Variants in EYS observed in about 807,000 individuals in gnomAD.
EYS encodes protein eyes shut homolog.
A neutral mutation model predicts 282.1 loss-of-function variants in EYS; 250 were observed. That is an observed-to-expected ratio of 0.89 (90% CI 0.80 to 0.98). EYS has a LOEUF of 0.98. EYS is among the 50% of genes least tolerant of loss of function. EYS has a pLI of 0.00. For missense variants in EYS, 4,016 were observed against 3,709.0 expected, an observed-to-expected ratio of 1.08 and a Z score of -2.15; for synonymous variants, 1,355 against 1,282.9, an observed-to-expected ratio of 1.06 and a Z score of -1.20.
At chr6:63,957,033 C>T (rs1029189199) in intron 35 of EYS, among the ~76,000 whole-genome samples, 1 of 152,144 alleles carries the variant, frequency 6.6e-6, no homozygotes, top group Non-Finnish European at 1.5e-5. Context: ...GATAAATTTG[C>T]TCTTCCTTTT....
At chr6:65,692,110 A>C (rs1769264767) in intron 1 of EYS, among the ~76,000 whole-genome samples, 1 of 150,396 alleles carries the variant, frequency 6.6e-6, no homozygotes, top group Non-Finnish European at 1.5e-5. Flanking sequence ...AAAAGAATAA[A>C]ATTATGTCTT....
Position 64,591,523 on chromosome 6 carries a change from G to A in EYS, c.4344C>T (p.Phe1448=). ...CACTTATGGAGGCAGCTATAAGCAG[G>A]AATCCACGGGAGAGTAATGACTGCC... ...LNRQSLLSRG[F]LLIAASISAT... The change falls in exon 26 of 43, where the codon TTC becomes TTT. Residue 1448 remains phenylalanine (F), a synonymous_variant. Coordinates refer to ENST00000503581, the MANE Select transcript of EYS (RefSeq NM_001142800.2). The A allele has an allele frequency of 6.4e-7, 1 of 1,551,280 alleles. No homozygotes were observed. Among genetic ancestry groups the A allele is most frequent in the South Asian group, 1.2e-5 (1 of 84,054 alleles).
chr6:63,840,090 C>T (rs1323091123), intron 36 of EYS, among the ~76,000 whole-genome samples: 2 of 149,410 alleles, frequency 1.3e-5, no homozygotes. Flanking sequence ...CTTTGTTGCC[C>T]AGGATGGAGT....
At chr6:64,029,845 C>T (rs1032024150) in intron 33 of EYS, among the ~76,000 whole-genome samples, 46 of 152,338 alleles carry the variant, frequency 3.0e-4, no homozygotes, top group African/African-American at 9.9e-4. Context: ...AATGTGTATA[C>T]AGATAGCAAG....
At chr6:64,117,009 A>T (rs1773407442) in intron 31 of EYS, among the ~76,000 whole-genome samples, 1 of 152,122 alleles carries the variant, frequency 6.6e-6, no homozygotes, top group Admixed American at 6.5e-5. Flanking sequence ...TGGATAGGTT[A>T]TCCCAACAGA....
chr6:64,926,961 G>C (rs1768538140), intron 15 of EYS, among the ~76,000 whole-genome samples: 1 of 152,138 alleles, frequency 6.6e-6, no homozygotes, highest in South Asian at 2.1e-4. Context: ...AGAAAGCAGA[G>C]TTATATTTTC....
intron 14 of EYS, among the ~76,000 whole-genome samples, chr6:64,960,883 C>T (rs1769889560): frequency 6.6e-6 from 1 of 152,112 alleles, no homozygotes; most frequent in Non-Finnish European, 1.5e-5. Context: ...ATTTAGCTCC[C>T]ATTGACACAT....
chr6:64,516,766 T>A (rs2150522875), intron 26 of EYS, among the ~76,000 whole-genome samples: 1 of 151,962 alleles, frequency 6.6e-6, no homozygotes, highest in East Asian at 1.9e-4. Context: ...TAATAAAATT[T>A]GTTTTTTTCT....
At chr6:65,095,224 G>T (rs926902017) in intron 12 of EYS, among the ~76,000 whole-genome samples, 1 of 151,216 alleles carries the variant, frequency 6.6e-6, no homozygotes, top group Non-Finnish European at 1.5e-5. Flanking sequence ...ACCTGCAGAA[G>T]TAAACAGTAA....
intron 22 of EYS, among the ~76,000 whole-genome samples, chr6:64,696,270 C>G (rs1770575698): frequency 6.6e-6 from 1 of 151,998 alleles, no homozygotes; most frequent in Non-Finnish European, 1.5e-5. Context: ...GAAAGAATCT[C>G]AGAATGTGAA....
chr6:64,136,282 A>G (rs1417071447), intron 31 of EYS, among the ~76,000 whole-genome samples: 3 of 152,108 alleles, frequency 2.0e-5, no homozygotes, highest in Admixed American at 6.6e-5. Context: ...TATTTCCACC[A>G]CAGCAGAAGT....
At chr6:63,851,120 C>T (rs923381898) in intron 36 of EYS, among the ~76,000 whole-genome samples, 3 of 152,152 alleles carry the variant, frequency 2.0e-5, no homozygotes, top group African/African-American at 7.2e-5. Flanking sequence ...ACAAGAAGAG[C>T]TAACTATTCT....
chr6:63,848,328 G>T (rs1772152938), intron 36 of EYS, among the ~76,000 whole-genome samples: 1 of 152,004 alleles, frequency 6.6e-6, no homozygotes, highest in African/African-American at 2.4e-5. Context: ...TTGTATTGGG[G>T]TCTGTGGATA....
At chr6:64,621,731 A>G (rs1178965963) in intron 23 of EYS, among the ~76,000 whole-genome samples, 2 of 152,210 alleles carry the variant, frequency 1.3e-5, no homozygotes, top group African/African-American at 2.4e-5. Flanking sequence ...ATACTACTTT[A>G]AGGGCAAAAC....
At chr6:64,635,215 G>A (rs537148855) in intron 22 of EYS, among the ~76,000 whole-genome samples, 1 of 152,306 alleles carries the variant, frequency 6.6e-6, no homozygotes, top group African/African-American at 2.4e-5. Context: ...AGCTTGAGGA[G>A]ATTTTGGGCT....
At chr6:64,607,644 G>C (rs1766978084) in intron 24 of EYS, among the ~76,000 whole-genome samples, 1 of 152,036 alleles carries the variant, frequency 6.6e-6, no homozygotes, top group South Asian at 2.1e-4. Flanking sequence ...TTGGGTGAGG[G>C]AGATACAAAC....
chr6:65,394,491 T>G (rs1368599867), intron 7 of EYS, among the ~76,000 whole-genome samples: 1 of 152,066 alleles, frequency 6.6e-6, no homozygotes, highest in Non-Finnish European at 1.5e-5. Flanking sequence ...CTGCCACCTG[T>G]GTAAGTGAAG....
chr6:65,251,702 T>A (rs909848995), intron 12 of EYS, among the ~76,000 whole-genome samples: 7 of 151,860 alleles, frequency 4.6e-5, no homozygotes, highest in Non-Finnish European at 1.0e-4. Context: ...AATTTACCAT[T>A]TTTTCCCCTC....
intron 33 of EYS, among the ~76,000 whole-genome samples, chr6:64,018,576 C>G (rs769629609): frequency 6.6e-6 from 1 of 151,966 alleles, no homozygotes; most frequent in Non-Finnish European, 1.5e-5. Context: ...TTTTCATATG[C>G]TGATGTCTAG....
Sources: gnomAD v4.1 joint callset for allele counts (sites outside exome capture counted in the v4.1 genomes callset) on GRCh38, gnomAD v4.1.1 for gene constraint, MANE v1.5 for transcripts, NCBI Gene and HGNC (gene_info 2026-07-23, HGNC 2026-07-21) for gene names.